Variants in TMEM132B observed in about 807,000 individuals in gnomAD.
TMEM132B encodes transmembrane protein 132B.
A neutral mutation model predicts 90.8 loss-of-function variants in TMEM132B; 18 were observed. The ratio of observed to expected loss-of-function variants is 0.20; its 90% CI spans 0.14 to 0.29. The LOEUF (loss-of-function observed/expected upper bound fraction) is 0.29, where lower values mean the gene tolerates loss of function less well. Among genes scored for constraint, TMEM132B ranks in the 10% least tolerant of loss-of-function variants. The probability of loss-of-function intolerance (pLI) is 1.00; values close to 1 mark genes in which losing one functional copy is unlikely to be tolerated. For synonymous variants in TMEM132B, 504 were observed against 523.3 expected (o/e 0.96, Z 0.50); for missense variants, 1,096 against 1,326.8 (o/e 0.83, Z 2.70).
chr12:125,193,977 G>A (rs912056803), intron 1 of TMEM132B, among the ~76,000 whole-genome samples: 21 of 152,292 alleles, frequency 1.4e-4, no homozygotes, highest in South Asian at 4.1e-4. Flanking sequence ...GGGCAGAATG[G>A]ACTCTCAATG....
chr12:125,274,272 AT>A (rs1441063443), intron 1 of TMEM132B, among the ~76,000 whole-genome samples: 3 of 151,976 alleles, frequency 2.0e-5, no homozygotes, highest in African/African-American at 7.3e-5. Flanking sequence ...ATGTTCCAGG[AT>A]TTATCCGTTT....
At position 125,407,465 on chromosome 12, in the gene TMEM132B, G is replaced by C. The variant is rs1879531931; in HGVS notation, c.960-8066G>C. On this transcript the variant is annotated intron_variant, in intron 2 of 8. Transcript: ENST00000682704. This position sits in a 1 kb window ranked among gnomAD's most constrained non-coding sequence, Gnocchi z 6.7. ...CCCAGCTAGGTGGTGGATGCTATGG[G>C]CTGGGAAAGACATATGGGGAGTGAG... 6.6e-6 allele frequency among the ~76,000 whole-genome samples: 1 copy of C among 152,224 alleles called. No homozygotes were observed. The highest frequency in any genetic ancestry group is 1.5e-5 in the Non-Finnish European group (1 of 68,038).
At chr12:125,481,923 G>C (rs1429211748) in intron 3 of TMEM132B, among the ~76,000 whole-genome samples, 2 of 152,266 alleles carry the variant, frequency 1.3e-5, no homozygotes, top group East Asian at 3.9e-4. Flanking sequence ...CAATGGAACA[G>C]AACAGAGGCC....
intron 3 of TMEM132B, among the ~76,000 whole-genome samples, chr12:125,453,498 TATC>T (rs1260129567): frequency 6.6e-6 from 1 of 152,220 alleles, no homozygotes; most frequent in African/African-American, 2.4e-5. Context: ...TTTATAATAT[TATC>T]ATGATGAAAT....
intron 4 of TMEM132B, among the ~76,000 whole-genome samples, chr12:125,533,784 CT>C (rs1883716633): frequency 6.6e-6 from 1 of 152,256 alleles, no homozygotes; most frequent in South Asian, 2.1e-4. Flanking sequence ...ATAAAGGCTC[CT>C]TCCTGCAGCC....
At chr12:125,537,254 T>C (rs1883829665) in intron 4 of TMEM132B, among the ~76,000 whole-genome samples, 1 of 152,250 alleles carries the variant, frequency 6.6e-6, no homozygotes, top group Admixed American at 6.5e-5. Flanking sequence ...CCCATGTTGT[T>C]CAAGGGTATT....
chr12:125,611,017 C>A (rs1457449747), intron 5 of TMEM132B, among the ~76,000 whole-genome samples: 1 of 152,000 alleles, frequency 6.6e-6, no homozygotes, highest in Non-Finnish European at 1.5e-5. Flanking sequence ...TAGACCTTGG[C>A]TTTTCTTTGT....
intron 3 of TMEM132B, among the ~76,000 whole-genome samples, chr12:125,474,716 C>T (rs57117091): frequency 0.028 from 4,277 of 152,308 alleles, 136 homozygotes; most frequent in Admixed American, 0.096. Context: ...GCTGATTTAA[C>T]TGACAAGCGC....
chr12:125,574,312 A>G (rs1035312665), intron 4 of TMEM132B, among the ~76,000 whole-genome samples: 2 of 151,986 alleles, frequency 1.3e-5, no homozygotes, highest in Non-Finnish European at 2.9e-5. Flanking sequence ...CTTGTATGAG[A>G]GCTATTATTA....
chr12:125,483,064 G>C lies in TMEM132B; in HGVS notation c.1107-36375G>C, dbSNP rs536974376. 8.4e-4 allele frequency among the ~76,000 whole-genome samples: 127 copies of C among 151,374 alleles called. 1 individual carries two copies. Among genetic ancestry groups the C allele is most frequent in the Non-Finnish European group, 7.2e-4 (49 of 67,900 alleles). ...GAACAATGAGAACACTTGGACACAG[G>C]GCGGGGAACATCACACACTGGGGCC... On this transcript the variant is annotated intron_variant, in intron 3 of 8. Transcript: ENST00000682704.
At chr12:125,609,617 C>A (rs1043034432) in intron 5 of TMEM132B, among the ~76,000 whole-genome samples, 2 of 151,300 alleles carry the variant, frequency 1.3e-5, no homozygotes, top group African/African-American at 4.9e-5. Flanking sequence ...AGATCCAGAC[C>A]ATCCTGGCCA....
intron 2 of TMEM132B, among the ~76,000 whole-genome samples, chr12:125,351,068 G>T (rs537254007): frequency 6.6e-6 from 1 of 152,310 alleles, no homozygotes; most frequent in South Asian, 2.1e-4. Context: ...TCAGTATCCA[G>T]TGTAGTGAGA....
intron 3 of TMEM132B, among the ~76,000 whole-genome samples, chr12:125,483,016 G>A (rs1032632951): frequency 1.4e-5 from 2 of 142,774 alleles, no homozygotes; most frequent in African/African-American, 5.2e-5. Flanking sequence ...AACACCGCAT[G>A]TTCTCACTCA....
At chr12:125,281,858 C>T (rs1159738155) in intron 1 of TMEM132B, among the ~76,000 whole-genome samples, 1 of 151,568 alleles carries the variant, frequency 6.6e-6, no homozygotes, top group Non-Finnish European at 1.5e-5. Context: ...GAAACCCCGT[C>T]TCTACTAAAT....
rs1014361095 is a variant in TMEM132B at position 125,209,696 on chromosome 12, G to A, written c.67+22830G>A. On this transcript the variant is annotated intron_variant, in intron 1 of 8. Coordinates refer to ENST00000682704, the MANE Select transcript of TMEM132B (RefSeq NM_001366854.1). The surrounding 1 kb of genome is among the most constrained non-coding windows in gnomAD (Gnocchi z 4.4). Reference sequence around the variant, plus strand: ...GTGGCTCAGACAGGCTGCTCTTTTTGTGTGGTGGCCCTTCTTTGTTCCATG... The same window carrying A: ...GTGGCTCAGACAGGCTGCTCTTTTTATGTGGTGGCCCTTCTTTGTTCCATG... Among the ~76,000 whole-genome samples, 1 of 152,222 alleles carries A rather than the reference G, an allele frequency of 6.6e-6. No homozygotes were observed.
In TMEM132B at chr12:125,349,622, A is replaced by C; in HGVS notation, c.238A>C (p.Ile80Leu). 2 of 1,614,076 alleles carry C rather than the reference A, an allele frequency of 1.2e-6. No homozygotes were observed. Among genetic ancestry groups the C allele is most frequent in the East Asian group, 4.5e-5 (2 of 44,872 alleles). ...GCAGGCCCGGGTGGAGCCATTCTTC[A>C]TCTACCGAGCCAGGACACCCCCTAT... The part of the protein sequence containing the change: ...SLQARVEPFF[I>L]YRARTPPIIN... Residue 80 changes from isoleucine to leucine, a missense_variant, in exon 2 of 9, where the codon ATC becomes CTC. By Grantham distance (5) the Ile-to-Leu change is conservative (BLOSUM62 2). Coordinates refer to ENST00000682704, the MANE Select transcript of TMEM132B (RefSeq NM_001366854.1). The surrounding 1 kb of genome is among the most constrained non-coding windows in gnomAD (Gnocchi z 4.1).
At chr12:125,316,182 C>T (rs1009624898) in intron 1 of TMEM132B, among the ~76,000 whole-genome samples, 4 of 152,234 alleles carry the variant, frequency 2.6e-5, no homozygotes, top group African/African-American at 9.6e-5. Context: ...ATATCTGCCT[C>T]CCCATCAAGT....
At chr12:125,417,216 G>T (rs1052279939) in intron 3 of TMEM132B, among the ~76,000 whole-genome samples, 1 of 152,060 alleles carries the variant, frequency 6.6e-6, no homozygotes, top group Non-Finnish European at 1.5e-5. Context: ...GACTGGAAGG[G>T]GGAGGCGGGG....
chr12:125,539,763 T>TA (rs1363784212), intron 4 of TMEM132B, among the ~76,000 whole-genome samples: 2 of 152,248 alleles, frequency 1.3e-5, no homozygotes, highest in Non-Finnish European at 2.9e-5. Context: ...TCAGTCTGGC[T>TA]AGAGTTTTAT....
Sources: gnomAD v4.1 joint callset for allele counts (sites outside exome capture counted in the v4.1 genomes callset) on GRCh38, gnomAD v4.1.1 for gene constraint, Gnocchi (gnomAD v3.1) non-coding constraint, MANE v1.5 for transcripts, NCBI Gene and HGNC (gene_info 2026-07-23, HGNC 2026-07-21) for gene names.